MYRF: variants seen among roughly 807,000 people sequenced by gnomAD.
MYRF encodes myelin gene regulatory factor.
MYRF carries 16 observed loss-of-function variants against 126.3 expected under a neutral mutation model. The observed-to-expected ratio is 0.13, with a 90% CI of 0.09 to 0.19. MYRF has a LOEUF of 0.19. MYRF is among the 10% of genes least tolerant of loss of function. The pLI is 1.00. For missense variants in MYRF, 1,104 were observed against 1,547.0 expected, an observed-to-expected ratio of 0.71 and a Z score of 4.80; for synonymous variants, 608 against 635.3, an observed-to-expected ratio of 0.96 and a Z score of 0.65.
intron 24 of MYRF, 148 bp downstream of exon 24, chr11:61,784,073 C>A (rs990993050): frequency 2.8e-6 from 3 of 1,078,608 alleles, no homozygotes; most frequent in African/African-American, 3.1e-5. Context: ...TTGCCTACTT[C>A]GTGGTTAACT....
At chr11:61,775,445 T>C (rs566777013) in intron 8 of MYRF, among the ~76,000 whole-genome samples, 8 of 152,050 alleles carry the variant, frequency 5.3e-5, no homozygotes, top group Admixed American at 1.3e-4. Context: ...CTAAGACCCA[T>C]TGGGAGGCAC....
chr11:61,752,871 G>A (rs1565273447), intron 1 of MYRF, 81 bp downstream of exon 1: 4 of 1,327,670 alleles, frequency 3.0e-6, no homozygotes, highest in East Asian at 3.1e-5. Flanking sequence ...GGGGCTCCTC[G>A]CTGTGTTTCC....
Position 61,778,432 on chromosome 11 carries a change from C to G in MYRF, c.1956C>G (p.Thr652=). Reference sequence around the variant, plus strand: ...TCTTGCCTGAGGCTGTGAAAGACACCGGAGACATGGTCTTTGCCAATGGGA... The same window carrying G: ...TCTTGCCTGAGGCTGTGAAAGACACGGGAGACATGGTCTTTGCCAATGGGA... ...KEILPEAVKD[T]GDMVFANGKT... is the part of the protein sequence containing the mutation. The change falls in exon 14 of 27, where the codon ACC becomes ACG. Residue 652 remains threonine, a synonymous_variant. Transcript: ENST00000278836. The surrounding 1 kb of genome is among the most constrained non-coding windows in gnomAD (Gnocchi z 4.6). The G allele has an allele frequency of 5.0e-6, 8 of 1,614,062 alleles. No homozygotes were observed. Among genetic ancestry groups the G allele is most frequent in the Middle Eastern group, 1.6e-4 (1 of 6,062 alleles).
chr11:61,759,925 G>A (rs1333218479), intron 1 of MYRF, among the ~76,000 whole-genome samples: 1 of 152,144 alleles, frequency 6.6e-6, no homozygotes. Flanking sequence ...TGACTAAGAC[G>A]GCTCTGGTCA....
chr11:61,760,256 C>T (rs1231959826), intron 1 of MYRF, among the ~76,000 whole-genome samples: 3 of 152,118 alleles, frequency 2.0e-5, no homozygotes, highest in South Asian at 4.1e-4. Context: ...TGTGAGCCAC[C>T]GCGCCTGGCC....
At chr11:61,761,949 C>T (rs1240586795) in intron 1 of MYRF, among the ~76,000 whole-genome samples, 1 of 152,212 alleles carries the variant, frequency 6.6e-6, no homozygotes, top group Non-Finnish European at 1.5e-5. Flanking sequence ...AGACACTCAT[C>T]CTGCCCAGCG....
In MYRF at chr11:61,783,064, G is replaced by A. The variant is rs538325810; in HGVS notation, c.3017-434G>A. On this transcript the variant is annotated intron_variant, in intron 22 of 26. Coordinates refer to ENST00000278836, the MANE Select transcript of MYRF (RefSeq NM_001127392.3). The surrounding 1 kb of genome is among the most constrained non-coding windows in gnomAD (Gnocchi z 4.6). The stretch of plus-strand genomic sequence containing the variant: ...GTTCAGGGAGGCTGCGAGGAGCAGC[G>A]TGCTGGTAGCGGTGTAATCATCGGC... The A allele has an allele frequency of 1.7e-3, 269 of 161,414 alleles. No individual in the cohort carries two copies. Among genetic ancestry groups the A allele is most frequent in the African/African-American group, 5.7e-3 (240 of 41,874 alleles). 10.0% of individuals were successfully genotyped at this position (161,414 alleles called of 1,614,324 possible).
intron 1 of MYRF, among the ~76,000 whole-genome samples, chr11:61,753,285 C>CTG: frequency 6.6e-6 from 1 of 151,906 alleles, no homozygotes; most frequent in Admixed American, 6.6e-5. Context: ...CCAAGACCCC[C>CTG]TGTGTGCCCT....
chr11:61,768,254 A>G (rs2066118481), intron 3 of MYRF, among the ~76,000 whole-genome samples: 1 of 152,304 alleles, frequency 6.6e-6, no homozygotes, highest in Admixed American at 6.5e-5. Context: ...GGAACTTAAG[A>G]GGAGAGAACA....
intron 1 of MYRF, among the ~76,000 whole-genome samples, chr11:61,763,830 A>C (rs2065970948): frequency 6.6e-6 from 1 of 152,036 alleles, no homozygotes; most frequent in Non-Finnish European, 1.5e-5. Flanking sequence ...GCACCACTGC[A>C]CTCCAGCCTG....
In MYRF at chr11:61,777,642, C is replaced by T; in HGVS notation, c.1792-92C>T. ...CCAGTGGTGGGGTCTCCTCTCCACA[C>T]TGCAGCCTCCAGGCTGCCGCCCTCC... On this transcript the variant is annotated intron_variant, in intron 12 of 26. Transcript: ENST00000278836. This position sits in a 1 kb window ranked among gnomAD's most constrained non-coding sequence, Gnocchi z 8.8. The T allele has an allele frequency of 7.3e-7, 1 of 1,365,234 alleles. No homozygotes were observed. The highest frequency in any genetic ancestry group is 1.0e-6 in the Non-Finnish European group (1 of 990,434). The allele number at this position is 1,365,234 out of a possible 1,614,324, so 84.6% of individuals were successfully genotyped here. A position where few individuals can be genotyped will look rare whatever the true frequency, so the allele number is the denominator to read the frequency against.
intron 1 of MYRF, among the ~76,000 whole-genome samples, chr11:61,764,745 C>T (rs1227746438): frequency 1.3e-5 from 2 of 152,340 alleles, no homozygotes; most frequent in South Asian, 2.1e-4. Context: ...CCCGTCCTCC[C>T]TCATGATGCC....
chr11:61,762,107 T>C (rs72920141), intron 1 of MYRF, among the ~76,000 whole-genome samples: 1 of 152,282 alleles, frequency 6.6e-6, no homozygotes, highest in Non-Finnish European at 1.5e-5. Context: ...AGGACCTGGC[T>C]TTCTCAGGCT....
Position 61,777,876 on chromosome 11 carries a change from C to G in MYRF, c.1903+31C>G, listed in dbSNP as rs1394804979. On this transcript the variant is annotated intron_variant, in intron 13 of 26. Transcript: ENST00000278836. The surrounding 1 kb of genome is among the most constrained non-coding windows in gnomAD (Gnocchi z 8.8). ...GACCGGGCTGGTGCGGACTGGGGTC[C>G]GGAAACCCAGAAACCTCGGGCCTCA... is the stretch of plus-strand genomic sequence containing the variant. The G allele has an allele frequency of 6.5e-7, 1 of 1,531,862 alleles. No individual in the cohort carries two copies. The highest frequency in any genetic ancestry group is 8.8e-7 in the Non-Finnish European group (1 of 1,130,654). 94.9% of individuals were successfully genotyped at this position (1,531,862 alleles called of 1,614,324 possible). A position where few individuals can be genotyped will look rare whatever the true frequency, so the allele number is the denominator to read the frequency against.
Position 61,771,506 on chromosome 11 carries a change from T to C in MYRF, c.747T>C (p.Pro249=), listed in dbSNP as rs2066217964. 1 of 1,612,888 alleles carries C rather than the reference T, an allele frequency of 6.2e-7. No homozygotes were observed. The highest frequency in any genetic ancestry group is 1.3e-5 in the African/African-American group (1 of 74,792). Residue 249 remains proline (P), a synonymous_variant, in exon 6 of 27, where the codon CCT becomes CCC. Coordinates refer to ENST00000278836, the MANE Select transcript of MYRF (RefSeq NM_001127392.3). ...CACACTTCTGTTTCCCCAGGCTCCC[T>C]ACACACCCCTCCAAGAAGAGGAAGC... The part of the protein sequence containing the change: ...QLLQQHGAEL[P]THPSKKRKHS...
At chr11:61,753,859 G>C (rs1014035104) in intron 1 of MYRF, among the ~76,000 whole-genome samples, 3 of 152,106 alleles carry the variant, frequency 2.0e-5, no homozygotes, top group Non-Finnish European at 1.5e-5. Context: ...GTGGGAGGGG[G>C]AGGGGAAGTT....
intron 1 of MYRF, chr11:61,755,448 C>T (rs373749424): frequency 4.5e-5 from 72 of 1,610,010 alleles, no homozygotes; most frequent in East Asian, 6.7e-5. Context: ...AGCAGGTAAC[C>T]GGGCCATGGT....
Position 61,777,945 on chromosome 11 carries a change from T to G in MYRF, c.1903+100T>G. ...ACCTGGAAATCCTACTCCTCTTGAC[T>G]CCCGGAACTGCGCCCCTGGGAATCA... On this transcript the variant is annotated intron_variant, in intron 13 of 26. Coordinates refer to ENST00000278836, the MANE Select transcript of MYRF (RefSeq NM_001127392.3). This position sits in a 1 kb window ranked among gnomAD's most constrained non-coding sequence, Gnocchi z 8.8. The G allele has an allele frequency of 1.7e-5, 16 of 921,528 alleles. No homozygotes were observed. The South Asian group carries it at 2.3e-4, about 13-fold the overall frequency. 57.1% of individuals were successfully genotyped at this position (921,528 alleles called of 1,614,324 possible).
rs1475966556 is a variant in MYRF at position 61,776,519 on chromosome 11, C to T, written c.1499+87C>T. On this transcript the variant is annotated intron_variant, in intron 10 of 26. Coordinates refer to ENST00000278836, the MANE Select transcript of MYRF (RefSeq NM_001127392.3). This position sits in a 1 kb window ranked among gnomAD's most constrained non-coding sequence, Gnocchi z 4.3. Reference sequence around the variant, plus strand: ...TGGGTGGCACACCAGGCACAGAGTCCTACAGGCTGAGCCATTTCACAGATG... The same window carrying T: ...TGGGTGGCACACCAGGCACAGAGTCTTACAGGCTGAGCCATTTCACAGATG... 2 of 1,128,054 alleles carry T rather than the reference C, an allele frequency of 1.8e-6. No individual in the cohort carries two copies. The highest frequency in any genetic ancestry group is 2.6e-6 in the Non-Finnish European group (2 of 773,268). The allele number at this position is 1,128,054 out of a possible 1,614,324, so 69.9% of individuals were successfully genotyped here.
Sources: gnomAD v4.1 joint callset for allele counts (sites outside exome capture counted in the v4.1 genomes callset) on GRCh38, gnomAD v4.1.1 for gene constraint, Gnocchi (gnomAD v3.1) non-coding constraint, MANE v1.5 for transcripts, NCBI Gene and HGNC (gene_info 2026-07-23, HGNC 2026-07-21) for gene names.